Variants in ATF7IP observed in about 807,000 individuals in gnomAD.
ATF7IP encodes the protein activating transcription factor 7 interacting protein.
ATF7IP carries 23 observed loss-of-function variants against 106.4 expected under a neutral mutation model. The observed-to-expected ratio is 0.22, with a 90% CI of 0.16 to 0.31. The LOEUF (loss-of-function observed/expected upper bound fraction) is 0.31. ATF7IP is among the 10% of genes least tolerant of loss of function. The pLI is 1.00. For missense variants in ATF7IP, 1,334 were observed against 1,524.3 expected (o/e 0.88, Z 2.08); for synonymous variants, 542 against 539.0 (o/e 1.01, Z -0.08).
chr12:14,445,408 G>C (rs1211937767), intron 5 of ATF7IP, among the ~76,000 whole-genome samples: 2 of 150,320 alleles, frequency 1.3e-5, no homozygotes, highest in South Asian at 2.1e-4. Context: ...TTTTTTGAGA[G>C]AGAGTCTCGC....
intron 12 of ATF7IP, among the ~76,000 whole-genome samples, chr12:14,479,710 A>C (rs760793556): frequency 1.3e-5 from 2 of 152,182 alleles, no homozygotes; most frequent in African/African-American, 2.4e-5. Context: ...GCTTATGCAG[A>C]CTTTCCTATC....
chr12:14,492,318 C>A (rs1478236873), intron 13 of ATF7IP, among the ~76,000 whole-genome samples: 1 of 152,158 alleles, frequency 6.6e-6, no homozygotes, highest in African/African-American at 2.4e-5. Flanking sequence ...GTCCAGTAGT[C>A]CCTGAAATGT....
At chr12:14,425,986 T>G (rs1238299802) in intron 2 of ATF7IP, among the ~76,000 whole-genome samples, 1 of 152,228 alleles carries the variant, frequency 6.6e-6, no homozygotes, top group African/African-American at 2.4e-5. Context: ...ATTATCCATT[T>G]GATAAAGACT....
intron 6 of ATF7IP, among the ~76,000 whole-genome samples, chr12:14,450,655 G>A (rs1479526258): frequency 6.6e-6 from 1 of 152,120 alleles, no homozygotes; most frequent in East Asian, 1.9e-4. Context: ...TCAAGGTAAT[G>A]ATTGCCTAAT....
intron 1 of ATF7IP, among the ~76,000 whole-genome samples, chr12:14,415,865 GT>G (rs1241251659): frequency 6.6e-6 from 1 of 151,978 alleles, no homozygotes; most frequent in African/African-American, 2.4e-5. Flanking sequence ...ATGTGCATAG[GT>G]TATATGCAAA....
chr12:14,401,442 C>A (rs1383194056), intron 1 of ATF7IP, among the ~76,000 whole-genome samples: 1 of 152,200 alleles, frequency 6.6e-6, no homozygotes, highest in Non-Finnish European at 1.5e-5. Flanking sequence ...GGTGATCCGC[C>A]TGCCTTGGCC....
At chr12:14,404,912 A>G (rs1940475667) in intron 1 of ATF7IP, among the ~76,000 whole-genome samples, 1 of 152,082 alleles carries the variant, frequency 6.6e-6, no homozygotes, top group East Asian at 1.9e-4. Flanking sequence ...ATTTTTTTTC[A>G]GGTTCCAAAA....
chr12:14,431,510 T>C (rs1942134980), intron 2 of ATF7IP, among the ~76,000 whole-genome samples: 1 of 151,952 alleles, frequency 6.6e-6, no homozygotes, highest in African/African-American at 2.4e-5. Flanking sequence ...CTCTCCTGTC[T>C]CAGCCTCCCG....
chr12:14,429,617 T>G (rs1216702162), intron 2 of ATF7IP, among the ~76,000 whole-genome samples: 2 of 152,198 alleles, frequency 1.3e-5, no homozygotes, highest in Non-Finnish European at 2.9e-5. Context: ...ATAATTACAT[T>G]AGACTAGAAT....
At chr12:14,400,453 A>C (rs1940129809) in intron 1 of ATF7IP, among the ~76,000 whole-genome samples, 1 of 20,110 alleles carries the variant, frequency 5.0e-5, no homozygotes, top group Non-Finnish European at 8.9e-5. Context: ...TATTTTAGAT[A>C]GATAACCAGG....
At chr12:14,452,151 G>A (rs770391026) in intron 6 of ATF7IP, among the ~76,000 whole-genome samples, 8 of 152,068 alleles carry the variant, frequency 5.3e-5, no homozygotes, top group Non-Finnish European at 1.2e-4. Flanking sequence ...TCATACATAA[G>A]TATGGCCCAT....
chr12:14,409,382 C>T (rs1269146858), intron 1 of ATF7IP, among the ~76,000 whole-genome samples: 2 of 151,876 alleles, frequency 1.3e-5, no homozygotes, highest in Non-Finnish European at 2.9e-5. Context: ...ACATATAAGG[C>T]CTTTTGGTTA....
Position 14,423,768 on chromosome 12 carries a change from C to T in ATF7IP, c.-7-141C>T, listed in dbSNP as rs1019646334. On this transcript the variant is annotated intron_variant, in intron 1 of 14. Coordinates refer to ENST00000261168, the MANE Select transcript of ATF7IP (RefSeq NM_018179.5). ...TGCAGTAAATATGATAATTAGTATA[C>T]AACAAGCAGTAGGTTTTCTATGTCT... is the stretch of plus-strand genomic sequence containing the variant. 2.1e-5 allele frequency: 19 copies of T among 888,794 alleles called. No individual in the cohort carries two copies. The Admixed American group carries it at 5.2e-4, about 24-fold the overall frequency. 55.1% of individuals were successfully genotyped at this position (888,794 alleles called of 1,614,324 possible).
chr12:14,494,692 G>A (rs1311817255), intron 13 of ATF7IP, among the ~76,000 whole-genome samples: 1 of 151,216 alleles, frequency 6.6e-6, no homozygotes, highest in African/African-American at 2.4e-5. Context: ...CAGCAGTATG[G>A]GAGGCCAAGG....
chr12:14,444,488 T>C (rs1444337378), intron 5 of ATF7IP, among the ~76,000 whole-genome samples: 1 of 152,048 alleles, frequency 6.6e-6, no homozygotes, highest in Non-Finnish European at 1.5e-5. Context: ...TAATAGAATA[T>C]CACTTTTCTG....
At position 14,501,328 on chromosome 12, in the gene ATF7IP, T is replaced by TA. The variant is rs1431869788; in HGVS notation, c.*3256dup. ...CTTATTGGAAATTCTGGAAACCTGATACTGCAACCTGCAATGTAGGATGTT... is the reference window on the plus strand; with the variant it reads ...CTTATTGGAAATTCTGGAAACCTGATAACTGCAACCTGCAATGTAGGATGTT... On this transcript the variant is annotated 3_prime_UTR_variant, in exon 15 of 15. Transcript: ENST00000261168. The TA allele has an allele frequency of 1.3e-5, 2 of 152,222 alleles. No individual in the cohort carries two copies. Among genetic ancestry groups the TA allele is most frequent in the African/African-American group, 4.8e-5 (2 of 41,470 alleles). 9.4% of individuals were successfully genotyped at this position (152,222 alleles called of 1,614,324 possible).
At chr12:14,395,252 G>A (rs1939771432) in intron 1 of ATF7IP, 1 of 152,076 alleles carries the variant, frequency 6.6e-6, no homozygotes, top group Admixed American at 6.6e-5. Context: ...GCTGCCCACA[G>A]GTAAGAGATT....
intron 13 of ATF7IP, among the ~76,000 whole-genome samples, chr12:14,491,202 C>A (rs1944809483): frequency 1.3e-5 from 2 of 152,130 alleles, no homozygotes; most frequent in Admixed American, 1.3e-4. Flanking sequence ...TGTTCTGGAC[C>A]ACACTCAAAA....
At chr12:14,440,695 A>G (rs1197194411) in intron 5 of ATF7IP, among the ~76,000 whole-genome samples, 1 of 152,214 alleles carries the variant, frequency 6.6e-6, no homozygotes, top group Admixed American at 6.5e-5. Flanking sequence ...ATTTTATACA[A>G]CCACAATCTC....
Sources: gnomAD v4.1 joint callset for allele counts (sites outside exome capture counted in the v4.1 genomes callset) on GRCh38, gnomAD v4.1.1 for gene constraint, MANE v1.5 for transcripts, NCBI Gene and HGNC (gene_info 2026-07-23, HGNC 2026-07-21) for gene names.